KCNH1: variants seen among roughly 807,000 people sequenced by gnomAD.
KCNH1 encodes potassium voltage-gated channel subfamily H member 1, also known as voltage-gated delayed rectifier potassium channel KCNH1.
Under a neutral mutation model 69.2 loss-of-function variants are expected in KCNH1, and 27 were observed. The ratio of observed to expected loss-of-function variants is 0.39; its 90% CI spans 0.29 to 0.54. The LOEUF (loss-of-function observed/expected upper bound fraction) is 0.54. Ranked by LOEUF, KCNH1 falls within the 20% of genes least tolerant of loss-of-function variation. KCNH1 has a pLI of 0.68. For synonymous variants in KCNH1, 456 were observed against 487.7 expected (o/e 0.93, Z 0.86); for missense variants, 798 against 1,261.6 (o/e 0.63, Z 5.57).
At chr1:211,044,781 G>C (rs774394527) in intron 5 of KCNH1, among the ~76,000 whole-genome samples, 4 of 151,916 alleles carry the variant, frequency 2.6e-5, no homozygotes, top group Non-Finnish European at 4.4e-5. Flanking sequence ...TGGTGAAAAG[G>C]AAACACTTCT....
intron 9 of KCNH1, among the ~76,000 whole-genome samples, chr1:210,791,407 C>T (rs941981736): frequency 6.6e-6 from 1 of 152,164 alleles, no homozygotes; most frequent in Admixed American, 6.5e-5. Context: ...CACAAGTTTC[C>T]CAGCTGAGTT....
In KCNH1 at chr1:210,761,984, C is replaced by T. The variant is rs560297121; in HGVS notation, c.2112+13364G>A. On this transcript the variant is annotated intron_variant, in intron 10 of 10. Coordinates refer to ENST00000271751, the MANE Select transcript of KCNH1 (RefSeq NM_172362.3). ...ACATGGAACGTACTCTAAGACTGAC[C>T]ACGTGCTTGGTCATACAGCAAGTCT... Among the ~76,000 whole-genome samples, 16 of 152,182 alleles carry T rather than the reference C, an allele frequency of 1.1e-4. No homozygotes were observed. In the East Asian group the frequency reaches 3.1e-3, roughly 29 times the overall value.
intron 2 of KCNH1, 24 bp from the exon 3 acceptor site, chr1:211,103,626 GTTAGA>G (rs759525028): frequency 2.3e-5 from 33 of 1,451,350 alleles, no homozygotes; most frequent in South Asian, 1.3e-4. Flanking sequence ...AAGAACTCAA[GTTAGA>G]TTAAGAAGTA....
At chr1:211,016,819 GA>G (rs113456801) in intron 6 of KCNH1, among the ~76,000 whole-genome samples, 10,802 of 147,646 alleles carry the variant, frequency 0.073, 529 homozygotes, top group South Asian at 0.18. Flanking sequence ...TGAGGCAGGA[GA>G]ATTGCCTGAA....
chr1:210,863,806 A>C (rs932139095), intron 7 of KCNH1, among the ~76,000 whole-genome samples: 1 of 152,182 alleles, frequency 6.6e-6, no homozygotes, highest in Non-Finnish European at 1.5e-5. Flanking sequence ...TCTATGCTAA[A>C]CTTGTTCACC....
chr1:211,125,163 A>G (rs146657608), intron 1 of KCNH1, among the ~76,000 whole-genome samples: 1 of 152,196 alleles, frequency 6.6e-6, no homozygotes, highest in Non-Finnish European at 1.5e-5. Flanking sequence ...TAAGGACTAC[A>G]ACCTCTCTCT....
In KCNH1 at chr1:211,031,037, G is replaced by A. The variant is rs1350230663; in HGVS notation, c.559-11781C>T. ...GAAATGCAAATTAAAGCTACACTGC[G>A]ATATTACTACACACCTATTAAAATG... On this transcript the variant is annotated intron_variant, in intron 5 of 10. Coordinates refer to ENST00000271751, the MANE Select transcript of KCNH1 (RefSeq NM_172362.3). Among the ~76,000 whole-genome samples, 5 of 151,978 alleles carry A rather than the reference G, an allele frequency of 3.3e-5. No individual in the cohort carries two copies. The East Asian group carries it at 5.8e-4, about 18-fold the overall frequency.
chr1:210,854,677 C>T (rs971569077), intron 7 of KCNH1, among the ~76,000 whole-genome samples: 2 of 152,186 alleles, frequency 1.3e-5, no homozygotes, highest in Admixed American at 6.5e-5. Context: ...GCCATGGTTA[C>T]AGGGACCACC....
At chr1:210,742,113 A>G (rs575358163) in intron 10 of KCNH1, among the ~76,000 whole-genome samples, 1 of 152,360 alleles carries the variant, frequency 6.6e-6, no homozygotes, top group Non-Finnish European at 1.5e-5. Flanking sequence ...TCTCAGAACT[A>G]GCAAGTTGAG....
chr1:210,729,964 C>T (rs1031401050), intron 10 of KCNH1, among the ~76,000 whole-genome samples: 3 of 152,124 alleles, frequency 2.0e-5, no homozygotes, highest in Non-Finnish European at 2.9e-5. Context: ...ATAGAAACCA[C>T]CCAGGGCTGA....
chr1:210,821,367 T>C (rs947494875), intron 7 of KCNH1, among the ~76,000 whole-genome samples: 1 of 152,234 alleles, frequency 6.6e-6, no homozygotes, highest in African/African-American at 2.4e-5. Context: ...AAATTCTCTG[T>C]AGAGAATCCA....
intron 1 of KCNH1, among the ~76,000 whole-genome samples, chr1:211,122,729 G>A (rs1691711534): frequency 6.6e-6 from 1 of 152,188 alleles, no homozygotes; most frequent in African/African-American, 2.4e-5. Flanking sequence ...CCTGGGGACA[G>A]AAGACCAAAC....
chr1:210,878,409 CT>C (rs1189915826), intron 7 of KCNH1, among the ~76,000 whole-genome samples: 2 of 152,008 alleles, frequency 1.3e-5, no homozygotes, highest in African/African-American at 4.8e-5. Context: ...CAAAAAACAT[CT>C]TAACAAGTTT....
chr1:211,038,898 C>T (rs1689944645), intron 5 of KCNH1, among the ~76,000 whole-genome samples: 1 of 152,098 alleles, frequency 6.6e-6, no homozygotes, highest in Non-Finnish European at 1.5e-5. Flanking sequence ...AAAAGAAAAC[C>T]CCATTTTCTG....
chr1:210,821,789 A>G (rs1171661100), intron 7 of KCNH1, among the ~76,000 whole-genome samples: 1 of 151,592 alleles, frequency 6.6e-6, no homozygotes, highest in African/African-American at 2.4e-5. Flanking sequence ...TTGGTCCAAT[A>G]GATTAACTCC....
Position 210,942,984 on chromosome 1 carries a change from T to C in KCNH1, c.1033-22915A>G, listed in dbSNP as rs548988829. Among the ~76,000 whole-genome samples, 345 of 152,302 alleles carry C rather than the reference T, an allele frequency of 2.3e-3. 1 individual carries two copies. The highest frequency in any genetic ancestry group is 3.4e-3 in the Non-Finnish European group (234 of 68,028). On this transcript the variant is annotated intron_variant, in intron 6 of 10. Coordinates refer to ENST00000271751, the MANE Select transcript of KCNH1 (RefSeq NM_172362.3). ...CTGTCATCCCAATCCTGCTAAGTAATAGCAAATAAAAATAATTTTAAAGAA... is the reference window on the plus strand; with the variant it reads ...CTGTCATCCCAATCCTGCTAAGTAACAGCAAATAAAAATAATTTTAAAGAA...
rs1183928764 is a variant in KCNH1 at position 211,058,382 on chromosome 1, TA to T, written c.558+24397del. Among the ~76,000 whole-genome samples, 4 of 152,132 alleles carry T rather than the reference TA, an allele frequency of 2.6e-5. No individual in the cohort carries two copies. In the East Asian group the frequency reaches 7.7e-4, roughly 29 times the overall value. On this transcript the variant is annotated intron_variant, in intron 5 of 10. Transcript: ENST00000271751. ...GTAGAAAGACTAAAAGTTGAACCAA[TA>T]AAAAATGGTAGCTATATTTTTTAAG... is the stretch of plus-strand genomic sequence containing the variant.
chr1:210,706,127 G>A lies in KCNH1; in HGVS notation c.2113-21989C>T, dbSNP rs146562578. On this transcript the variant is annotated intron_variant, in intron 10 of 10. Transcript: ENST00000271751. ...CTTTTGCCAATTAGTTCTAAACCTC[G>A]TCACTAGTTTAATTCATTCTGAAAT... Among the ~76,000 whole-genome samples, 572 of 152,098 alleles carry A rather than the reference G, an allele frequency of 3.8e-3. 5 individuals carry two copies. The highest frequency in any genetic ancestry group is 3.2e-3 in the Non-Finnish European group (218 of 67,934).
At chr1:210,970,726 T>TG (rs997056664) in intron 6 of KCNH1, among the ~76,000 whole-genome samples, 10 of 152,052 alleles carry the variant, frequency 6.6e-5, no homozygotes, top group African/African-American at 2.4e-4. Flanking sequence ...GACGTAAGGG[T>TG]GGGCAAAGAT....
Sources: allele counts gnomAD v4.1 joint callset (sites outside exome capture counted in the v4.1 genomes callset), GRCh38; gene constraint gnomAD v4.1.1; transcripts MANE v1.5; gene names NCBI Gene and HGNC (gene_info 2026-07-23, HGNC 2026-07-21).